Variants in DTNBP1 observed in about 807,000 individuals in gnomAD.
The protein encoded by DTNBP1 is dystrobrevin binding protein 1.
Under a neutral mutation model 42.8 loss-of-function variants are expected in DTNBP1, and 35 were observed. That is an observed-to-expected ratio of 0.82 (90% CI 0.63 to 1.09). The LOEUF is 1.09. Ranked by LOEUF, DTNBP1 falls within the 50% of genes least tolerant of loss-of-function variation. The pLI, the probability that DTNBP1 is intolerant of heterozygous loss-of-function variation, is 0.00. For missense variants in DTNBP1, 457 were observed against 424.2 expected, an observed-to-expected ratio of 1.08 and a Z score of -0.68; for synonymous variants, 171 against 162.2, an observed-to-expected ratio of 1.05 and a Z score of -0.41.
intron 7 of DTNBP1, among the ~76,000 whole-genome samples, chr6:15,540,808 A>AT (rs963049175): frequency 1.4e-3 from 206 of 152,086 alleles, no homozygotes; most frequent in African/African-American, 4.8e-3. Flanking sequence ...CTGCCAGCTA[A>AT]TTTTTTTGTA....
At chr6:15,596,922 A>G (rs1776538257) in intron 6 of DTNBP1, among the ~76,000 whole-genome samples, 1 of 152,132 alleles carries the variant, frequency 6.6e-6, no homozygotes, top group South Asian at 2.1e-4. Flanking sequence ...CATCCAATTC[A>G]TCAATAAATC....
At chr6:15,532,874 A>G (rs1279936939) in intron 8 of DTNBP1, among the ~76,000 whole-genome samples, 1 of 151,182 alleles carries the variant, frequency 6.6e-6, no homozygotes, top group Non-Finnish European at 1.5e-5. Context: ...TAATTTTTGT[A>G]TTTTAGTAGA....
intron 8 of DTNBP1, among the ~76,000 whole-genome samples, chr6:15,528,818 A>G (rs1198318892): frequency 1.3e-5 from 2 of 152,204 alleles, no homozygotes; most frequent in Non-Finnish European, 2.9e-5. Context: ...TGGTCCCCTC[A>G]GCATCACCTG....
chr6:15,582,377 C>T (rs1775879888), intron 7 of DTNBP1, among the ~76,000 whole-genome samples: 1 of 152,170 alleles, frequency 6.6e-6, no homozygotes, highest in South Asian at 2.1e-4. Context: ...TCTCATCTCA[C>T]AGGGTTGTTT....
chr6:15,558,098 G>A (rs1432233451), intron 7 of DTNBP1, among the ~76,000 whole-genome samples: 2 of 151,366 alleles, frequency 1.3e-5, no homozygotes, highest in Non-Finnish European at 1.5e-5. Flanking sequence ...CTTAGTGTAC[G>A]TTATCAGTAA....
intron 5 of DTNBP1, among the ~76,000 whole-genome samples, chr6:15,621,988 A>G (rs1378284412): frequency 1.3e-5 from 2 of 152,110 alleles, no homozygotes; most frequent in East Asian, 3.8e-4. Context: ...GTACTCTCAT[A>G]TCTCTCAGGA....
intron 7 of DTNBP1, among the ~76,000 whole-genome samples, chr6:15,589,553 T>G (rs1252663778): frequency 2.6e-5 from 4 of 152,236 alleles, no homozygotes; most frequent in Non-Finnish European, 5.9e-5. Flanking sequence ...CATTTCCAAC[T>G]CTGTGTTAAC....
rs75704383 is a variant in DTNBP1 at position 15,533,375 on chromosome 6, C to T, written c.532G>A (p.Ala178Thr). Reference protein sequence around the residue: ...TFKAELDAEHAQKVLEMEHTQ... With the variant: ...TFKAELDAEHTQKVLEMEHTQ... Reference sequence around the variant, plus strand: ...TGCTCCATTTCCAGGACCTTCTGGGCGTGCTCTGCATCTAGTTCAGCTGAG... The same window carrying T: ...TGCTCCATTTCCAGGACCTTCTGGGTGTGCTCTGCATCTAGTTCAGCTGAG... The change falls in exon 8 of 10, where the codon GCC becomes ACC. Residue 178 changes from alanine (A) to threonine (T), a missense_variant. Physicochemically the swap from Ala to Thr is moderately conservative, Grantham distance 58. Coordinates refer to ENST00000344537, the MANE Select transcript of DTNBP1 (RefSeq NM_032122.5). 3.6e-5 allele frequency: 58 copies of T among 1,614,088 alleles called. No individual in the cohort carries two copies. The highest frequency in any genetic ancestry group is 1.2e-4 in the Admixed American group (7 of 60,010).
At chr6:15,565,675 T>G (rs546448421) in intron 7 of DTNBP1, among the ~76,000 whole-genome samples, 2 of 152,304 alleles carry the variant, frequency 1.3e-5, no homozygotes, top group South Asian at 2.1e-4. Context: ...TATCTGGGGC[T>G]GGGGTTGGGA....
intron 6 of DTNBP1, among the ~76,000 whole-genome samples, chr6:15,597,134 T>C (rs546200405): frequency 9.8e-5 from 15 of 152,324 alleles, no homozygotes; most frequent in African/African-American, 3.4e-4. Context: ...AGGTTTGGAA[T>C]AGACATGTTC....
chr6:15,575,215 C>G (rs1775511584), intron 7 of DTNBP1, among the ~76,000 whole-genome samples: 1 of 152,134 alleles, frequency 6.6e-6, no homozygotes, highest in East Asian at 1.9e-4. Flanking sequence ...ATAATATAAA[C>G]CTACTTACCA....
At chr6:15,636,103 T>C (rs1759998814) in intron 4 of DTNBP1, among the ~76,000 whole-genome samples, 2 of 151,842 alleles carry the variant, frequency 1.3e-5, no homozygotes, top group Non-Finnish European at 1.5e-5. Flanking sequence ...GTTTCATCCA[T>C]GGAGAATTTG....
At chr6:15,575,052 A>G (rs1345698382) in intron 7 of DTNBP1, among the ~76,000 whole-genome samples, 1 of 152,252 alleles carries the variant, frequency 6.6e-6, no homozygotes, top group Non-Finnish European at 1.5e-5. Context: ...CCTATTCCAG[A>G]AACCAGTGAT....
At position 15,522,839 on chromosome 6, in the gene DTNBP1, CTTT is replaced by C. The variant is rs1254221949; in HGVS notation, c.*133_*135del. The stretch of plus-strand genomic sequence containing the variant: ...TCCTCACACTTTATTGTTAGCTGTT[CTTT>C]AAGTTTCTCACACATTATTGGCAAT... On this transcript the variant is annotated 3_prime_UTR_variant, in exon 10 of 10. Transcript: ENST00000344537. 7 of 1,477,524 alleles carry C rather than the reference CTTT, an allele frequency of 4.7e-6. No individual in the cohort carries two copies. The highest frequency in any genetic ancestry group is 4.5e-5 in the East Asian group (2 of 44,214). 91.5% of individuals were successfully genotyped at this position (1,477,524 alleles called of 1,614,324 possible). A position where few individuals can be genotyped will look rare whatever the true frequency, so the allele number is the denominator to read the frequency against.
chr6:15,522,893 AAAC>A lies in DTNBP1; in HGVS notation c.*79_*81del. 1 of 1,612,950 alleles carries A rather than the reference AAAC, an allele frequency of 6.2e-7. No homozygotes were observed. The highest frequency in any genetic ancestry group is 1.3e-5 in the African/African-American group (1 of 75,052). On this transcript the variant is annotated 3_prime_UTR_variant, in exon 10 of 10. Transcript: ENST00000344537. ...TATGTAAAAATCAAGAACCTCTATAAAACAACCTGGCTTTCCAGGTGGAATTCC... is the reference window on the plus strand; with the variant it reads ...TATGTAAAAATCAAGAACCTCTATAAAACCTGGCTTTCCAGGTGGAATTCC...
chr6:15,551,223 G>A (rs944163225), intron 7 of DTNBP1, among the ~76,000 whole-genome samples: 75 of 152,142 alleles, frequency 4.9e-4, no homozygotes, highest in African/African-American at 1.8e-3. Flanking sequence ...GGAGCTTTTG[G>A]CAAACCTGAA....
chr6:15,535,370 A>T (rs1393327046), intron 7 of DTNBP1, among the ~76,000 whole-genome samples: 1 of 152,092 alleles, frequency 6.6e-6, no homozygotes, highest in Non-Finnish European at 1.5e-5. Context: ...AAGTGCAGTG[A>T]CAGTGGTGCG....
At chr6:15,578,943 T>C (rs925136634) in intron 7 of DTNBP1, among the ~76,000 whole-genome samples, 16 of 152,208 alleles carry the variant, frequency 1.1e-4, no homozygotes, top group Admixed American at 8.5e-4. Context: ...TTAGACACTG[T>C]TGGTCAGACT....
chr6:15,625,540 CA>C (rs1280879918), intron 5 of DTNBP1, among the ~76,000 whole-genome samples: 11 of 152,128 alleles, frequency 7.2e-5, no homozygotes, highest in African/African-American at 2.7e-4. Flanking sequence ...CACTAAACAT[CA>C]AACATTTTTC....
Sources: gnomAD v4.1 joint callset for allele counts (sites outside exome capture counted in the v4.1 genomes callset) on GRCh38, gnomAD v4.1.1 for gene constraint, MANE v1.5 for transcripts, NCBI Gene and HGNC (gene_info 2026-07-23, HGNC 2026-07-21) for gene names.